ALPK1: variants seen among roughly 807,000 people sequenced by gnomAD.
The protein encoded by ALPK1 is alpha kinase 1.
In ALPK1, 110 loss-of-function variants were observed where a neutral mutation model predicts 120.6. The observed-to-expected ratio is 0.91, with a 90% CI of 0.78 to 1.07. The LOEUF (loss-of-function observed/expected upper bound fraction) is 1.07. Among genes scored for constraint, ALPK1 ranks in the 50% least tolerant of loss-of-function variants. ALPK1 has a pLI of 0.00. For synonymous variants in ALPK1, 582 were observed against 560.3 expected (o/e 1.04, Z -0.55); for missense variants, 1,498 against 1,483.9 (o/e 1.01, Z -0.16).
intron 1 of ALPK1, among the ~76,000 whole-genome samples, chr4:112,304,781 T>C (rs891902343): frequency 2.0e-5 from 3 of 152,154 alleles, no homozygotes; most frequent in Non-Finnish European, 4.4e-5. Flanking sequence ...AATTTTGGCT[T>C]TTATTCCATT....
At chr4:112,364,338 G>C (rs1048636133) in intron 2 of ALPK1, among the ~76,000 whole-genome samples, 2 of 151,798 alleles carry the variant, frequency 1.3e-5, no homozygotes, top group African/African-American at 4.8e-5. Context: ...TAAAAGAAGA[G>C]AGAAGATCCA....
intron 9 of ALPK1, 30 bp downstream of exon 9, chr4:112,427,695 C>T: frequency 6.6e-7 from 1 of 1,514,948 alleles, no homozygotes; most frequent in Non-Finnish European, 9.2e-7. Flanking sequence ...GTGGCATCAC[C>T]TGTAAAATTG....
Position 112,394,919 on chromosome 4 carries a change from G to A in ALPK1, c.276+12367G>A, listed in dbSNP as rs138711813. On this transcript the variant is annotated intron_variant, in intron 4 of 15. Coordinates refer to ENST00000650871, the MANE Select transcript of ALPK1 (RefSeq NM_025144.4). ...ATGACCTTCAGAAAATAAATCCTAG[G>A]GATGTGATCATTCTTTCTGGCAGCA... Among the ~76,000 whole-genome samples the A allele has an allele frequency of 8.5e-5, 13 of 152,160 alleles. No homozygotes were observed. The East Asian group carries it at 2.5e-3, about 29-fold the overall frequency.
chr4:112,389,275 C>A (rs1391839049), intron 4 of ALPK1, among the ~76,000 whole-genome samples: 1 of 152,124 alleles, frequency 6.6e-6, no homozygotes, highest in East Asian at 1.9e-4. Context: ...AATCTCCTGA[C>A]CTTGTGATCC....
chr4:112,304,692 C>T (rs1325291026), intron 1 of ALPK1, among the ~76,000 whole-genome samples: 3 of 152,050 alleles, frequency 2.0e-5, no homozygotes, highest in African/African-American at 7.3e-5. Context: ...TTCTCCCATT[C>T]TGTAGGTTGC....
At chr4:112,317,559 T>A (rs1457131047) in intron 2 of ALPK1, among the ~76,000 whole-genome samples, 1 of 152,186 alleles carries the variant, frequency 6.6e-6, no homozygotes, top group Non-Finnish European at 1.5e-5. Flanking sequence ...CTATATATGA[T>A]GGTTTATTTC....
rs2148763129 is a variant in ALPK1 at position 112,431,713 on chromosome 4, GTCT to G, written c.2170_2172del (p.Ser724del). 6.2e-7 allele frequency: 1 copy of G among 1,614,178 alleles called. No homozygotes were observed. Among genetic ancestry groups the G allele is most frequent in the Non-Finnish European group, 8.5e-7 (1 of 1,180,040 alleles). On this transcript the variant is annotated inframe_deletion, in exon 11 of 16. Coordinates refer to ENST00000650871, the MANE Select transcript of ALPK1 (RefSeq NM_025144.4). ...GACCCTCATATCGTTCTGCTTCTTG[GTCT>G]TCTGATTCTGGTAGGCCCAAGAATA...
rs1415646876 is a variant in ALPK1, at chr4:112,435,193, C to G, written c.3080C>G (p.Ala1027Gly). The G allele has an allele frequency of 4.3e-6, 7 of 1,612,552 alleles. No homozygotes were observed. Among genetic ancestry groups the G allele is most frequent in the Non-Finnish European group, 5.9e-6 (7 of 1,179,588 alleles). Reference sequence around the variant, plus strand: ...TCAAAAAAATCTGAACTGTGGACGGCCCAGGAAACTATTGTCTATTTGGGG... The same window carrying G: ...TCAAAAAAATCTGAACTGTGGACGGGCCAGGAAACTATTGTCTATTTGGGG... ...KYSKKSELWT[A>G]QETIVYLGDY... The change falls in exon 12 of 16, where the codon GCC becomes GGC. Residue 1027 changes from alanine to glycine, a missense_variant. Transcript: ENST00000650871.
At chr4:112,395,708 A>C (rs1032097443) in intron 4 of ALPK1, among the ~76,000 whole-genome samples, 4 of 152,216 alleles carry the variant, frequency 2.6e-5, no homozygotes, top group Admixed American at 2.6e-4. Flanking sequence ...TAGTTTTAAA[A>C]ATCTTGAATT....
At chr4:112,398,038 T>A (rs905673381) in intron 4 of ALPK1, among the ~76,000 whole-genome samples, 1 of 152,000 alleles carries the variant, frequency 6.6e-6, no homozygotes, top group East Asian at 1.9e-4. Context: ...TCTAATATGA[T>A]TGTAGAGGAA....
Position 112,315,027 on chromosome 4 carries a change from C to T in ALPK1, c.-152-774C>T, listed in dbSNP as rs570250794. On this transcript the variant is annotated intron_variant, in intron 1 of 15. Coordinates refer to ENST00000650871, the MANE Select transcript of ALPK1 (RefSeq NM_025144.4). ...TCCTGAGTAGCTGGGATTACAGGCA[C>T]GCGCCACCACACCTGGCTAATTTTG... 5.3e-5 allele frequency among the ~76,000 whole-genome samples: 8 copies of T among 151,780 alleles called. No homozygotes were observed. The South Asian group carries it at 1.0e-3, about 20-fold the overall frequency.
At chr4:112,317,419 T>C (rs1728683567) in intron 2 of ALPK1, among the ~76,000 whole-genome samples, 1 of 152,142 alleles carries the variant, frequency 6.6e-6, no homozygotes, top group Non-Finnish European at 1.5e-5. Context: ...TTGTATGTGG[T>C]GTTGTAAAGT....
intron 2 of ALPK1, among the ~76,000 whole-genome samples, chr4:112,376,643 A>G (rs912930610): frequency 2.0e-5 from 3 of 152,234 alleles, no homozygotes; most frequent in Admixed American, 6.5e-5. Flanking sequence ...CCCAACACCA[A>G]CACAATAATT....
chr4:112,313,751 C>A (rs373554204), intron 1 of ALPK1, among the ~76,000 whole-genome samples: 1 of 152,036 alleles, frequency 6.6e-6, no homozygotes, highest in East Asian at 1.9e-4. Context: ...GAAGAATTGA[C>A]GGCTGGATTT....
intron 1 of ALPK1, among the ~76,000 whole-genome samples, chr4:112,298,151 A>G (rs1038603059): frequency 2.2e-4 from 34 of 152,194 alleles, no homozygotes; most frequent in Non-Finnish European, 2.9e-4. Context: ...AACCTTTAAG[A>G]TGGTTTGGGA....
chr4:112,343,377 G>A (rs1170958427), intron 2 of ALPK1: 1 of 152,124 alleles, frequency 6.6e-6, no homozygotes, highest in African/African-American at 2.4e-5. Context: ...AGTGTTTTGG[G>A]GAAAGATCTC....
chr4:112,432,582 G>GT lies in ALPK1; in HGVS notation c.3034+2dup. On this transcript the variant is annotated splice_donor_variant, in intron 11 of 15. Transcript: ENST00000650871. LOFTEE classifies it high-confidence loss of function. ...CCCAGTCAACTCCACCGAGCACATA[G>GT]TAAGTACAATCTTTTCAATAGTTCC... 1 of 1,609,368 alleles carries GT rather than the reference G, an allele frequency of 6.2e-7. No individual in the cohort carries two copies. The highest frequency in any genetic ancestry group is 8.5e-7 in the Non-Finnish European group (1 of 1,179,170).
intron 5 of ALPK1, among the ~76,000 whole-genome samples, chr4:112,419,326 T>C (rs1352105309): frequency 2.0e-5 from 3 of 152,248 alleles, no homozygotes; most frequent in Non-Finnish European, 4.4e-5. Context: ...AAGCCTGCTA[T>C]GTGCCAACAA....
At chr4:112,380,574 TAAA>T (rs777701539) in intron 3 of ALPK1, among the ~76,000 whole-genome samples, 1 of 152,208 alleles carries the variant, frequency 6.6e-6, no homozygotes, top group Non-Finnish European at 1.5e-5. Context: ...AAATGGCTCA[TAAA>T]AAGGGATCAC....
Sources: allele counts gnomAD v4.1 joint callset (sites outside exome capture counted in the v4.1 genomes callset), GRCh38; gene constraint gnomAD v4.1.1; transcripts MANE v1.5; gene names NCBI Gene and HGNC (gene_info 2026-07-23, HGNC 2026-07-21).